TXLNB: variants seen among roughly 807,000 people sequenced by gnomAD.
TXLNB encodes beta-taxilin.
Under a neutral mutation model 57.4 loss-of-function variants are expected in TXLNB, and 37 were observed. That is an observed-to-expected ratio of 0.64 (90% confidence interval 0.50 to 0.85). The LOEUF is 0.85. Ranked by LOEUF, TXLNB falls within the 40% of genes least tolerant of loss-of-function variation. TXLNB has a pLI of 0.00. For missense variants in TXLNB, 848 were observed against 825.6 expected (o/e 1.03, Z -0.33); for synonymous variants, 302 against 309.6 (o/e 0.98, Z 0.26).
chr6:139,322,389 G>A, the TXLNB span, among the ~76,000 whole-genome samples: 3 of 152,250 alleles, frequency 2.0e-5, no homozygotes, highest in South Asian at 6.2e-4. Context: ...GAGCAGAAGA[G>A]AGTGAACCCA....
At chr6:139,201,262 C>T in the TXLNB span, among the ~76,000 whole-genome samples, 1 of 152,318 alleles carries the variant, frequency 6.6e-6, no homozygotes, top group South Asian at 2.1e-4. Context: ...TGAGCTCCTG[C>T]ATCAGGCCCC....
chr6:139,214,327 T>C, the TXLNB span, among the ~76,000 whole-genome samples: 1 of 152,052 alleles, frequency 6.6e-6, no homozygotes, highest in Non-Finnish European at 1.5e-5. Flanking sequence ...GTTCAACATA[T>C]GCAAATCAAT....
chr6:139,283,741 T>A (rs1193629661), intron 2 of TXLNB, among the ~76,000 whole-genome samples: 1 of 145,524 alleles, frequency 6.9e-6, no homozygotes, highest in Non-Finnish European at 1.5e-5. Context: ...ATCTCAAGCA[T>A]CCCAAAGTAG....
the TXLNB span, among the ~76,000 whole-genome samples, chr6:139,182,366 G>A: frequency 6.6e-6 from 1 of 152,182 alleles, no homozygotes; most frequent in Non-Finnish European, 1.5e-5. Flanking sequence ...TTTAAGGAAG[G>A]TACAGTTCAT....
chr6:139,215,553 G>A, the TXLNB span, among the ~76,000 whole-genome samples: 1 of 152,112 alleles, frequency 6.6e-6, no homozygotes, highest in African/African-American at 2.4e-5. Flanking sequence ...TACCATTCAG[G>A]ACACAGGCAT....
intron 4 of TXLNB, chr6:139,269,089 T>C (rs2327944): frequency 0.21 from 32,678 of 152,024 alleles, 6,354 homozygotes; most frequent in African/African-American, 0.53. Flanking sequence ...GTAGAGACAA[T>C]GTCTTGCTCT....
the TXLNB span, among the ~76,000 whole-genome samples, chr6:139,317,992 C>T: frequency 2.6e-5 from 4 of 151,554 alleles, no homozygotes; most frequent in Admixed American, 6.6e-5. Flanking sequence ...ATTATGGGGC[C>T]GGGCACGGTG....
At chr6:139,198,260 A>G in the TXLNB span, among the ~76,000 whole-genome samples, 6 of 151,848 alleles carry the variant, frequency 4.0e-5, no homozygotes, top group African/African-American at 1.5e-4. Flanking sequence ...CAGACAAAAT[A>G]CTAAATCTAT....
At chr6:139,311,288 T>C in the TXLNB span, among the ~76,000 whole-genome samples, 1 of 152,118 alleles carries the variant, frequency 6.6e-6, no homozygotes, top group Non-Finnish European at 1.5e-5. Flanking sequence ...GTCTGCTTGC[T>C]AAAAGAGATT....
At chr6:139,231,065 G>A in the TXLNB span, among the ~76,000 whole-genome samples, 8 of 151,888 alleles carry the variant, frequency 5.3e-5, no homozygotes, top group African/African-American at 9.7e-5. Context: ...TGCACATACC[G>A]GCACGTTTTA....
At chr6:139,188,488 C>T in the TXLNB span, among the ~76,000 whole-genome samples, 1 of 152,142 alleles carries the variant, frequency 6.6e-6, no homozygotes, top group Non-Finnish European at 1.5e-5. Context: ...GTGATCTACC[C>T]TAACATGAAA....
chr6:139,313,358 C>T, the TXLNB span, among the ~76,000 whole-genome samples: 70 of 152,244 alleles, frequency 4.6e-4, no homozygotes, highest in African/African-American at 1.6e-3. Context: ...AGGCGTGAGC[C>T]GCTGCGCCCG....
intron 7 of TXLNB, among the ~76,000 whole-genome samples, chr6:139,252,275 C>T (rs750691235): frequency 6.6e-6 from 1 of 152,230 alleles, no homozygotes; most frequent in African/African-American, 2.4e-5. Flanking sequence ...CTGCTACTCC[C>T]ACCCCTTTAA....
downstream of TXLNB, among the ~76,000 whole-genome samples, chr6:139,238,250 C>T (rs549691094): frequency 1.2e-4 from 19 of 152,086 alleles, no homozygotes; most frequent in African/African-American, 3.6e-4. Context: ...AAAAGTTAGC[C>T]GGGCATGGTG....
chr6:139,174,312 C>T, the TXLNB span: 2 of 1,487,346 alleles, frequency 1.3e-6, no homozygotes, highest in Non-Finnish European at 1.8e-6. Context: ...GTAGATGAAA[C>T]ATTTTTATCT....
the TXLNB span, among the ~76,000 whole-genome samples, chr6:139,235,020 T>C: frequency 1.3e-5 from 2 of 152,226 alleles, no homozygotes; most frequent in Non-Finnish European, 2.9e-5. Context: ...TATGGAACTT[T>C]AAGGTTTAAT....
At chr6:139,292,421 TTTC>T (rs887877176), upstream of TXLNB, among the ~76,000 whole-genome samples, 147 of 152,238 alleles carry the variant, frequency 9.7e-4, no homozygotes, top group African/African-American at 3.3e-3. This position sits in a 1 kb window ranked among gnomAD's most constrained non-coding sequence, Gnocchi z 4.0. Context: ...TCATCTTCTT[TTTC>T]TTCTTCTTCT....
At chr6:139,292,642 G>A (rs1410865833), upstream of TXLNB, among the ~76,000 whole-genome samples, 2 of 152,164 alleles carry the variant, frequency 1.3e-5, no homozygotes, top group East Asian at 3.9e-4. The surrounding 1 kb of genome is among the most constrained non-coding windows in gnomAD (Gnocchi z 4.0). Context: ...TGACCTTGGA[G>A]CACAGTCTTT....
At chr6:139,287,327 T>A (rs1437517470) in intron 2 of TXLNB, 1 of 152,290 alleles carries the variant, frequency 6.6e-6, no homozygotes, top group Non-Finnish European at 1.5e-5. Flanking sequence ...TCAGCCTCTG[T>A]TTTTGGCCTT....
Sources: allele counts gnomAD v4.1 joint callset (sites outside exome capture counted in the v4.1 genomes callset), GRCh38; gene constraint gnomAD v4.1.1; non-coding constraint Gnocchi (gnomAD v3.1); transcripts MANE v1.5; gene names NCBI Gene and HGNC (gene_info 2026-07-23, HGNC 2026-07-21).